FXR1: variants seen among roughly 807,000 people sequenced by gnomAD.
FXR1 encodes RNA-binding protein FXR1.
FXR1 carries 15 observed loss-of-function variants against 84.0 expected under a neutral mutation model. That is an observed-to-expected ratio of 0.18 (90% confidence interval 0.12 to 0.27). The LOEUF (loss-of-function observed/expected upper bound fraction) is 0.27. Among genes scored for constraint, FXR1 ranks in the 10% least tolerant of loss-of-function variants. The probability of loss-of-function intolerance (pLI) is 1.00; values close to 1 mark genes in which losing one functional copy is unlikely to be tolerated. For missense variants in FXR1, 480 were observed against 774.4 expected, an observed-to-expected ratio of 0.62 and a Z score of 4.51; for synonymous variants, 245 against 250.7, an observed-to-expected ratio of 0.98 and a Z score of 0.21.
chr3:180,967,871 T>C (rs1219623597), intron 13 of FXR1, among the ~76,000 whole-genome samples, 180 bp from the exon 14 acceptor site: 2 of 152,210 alleles, frequency 1.3e-5, no homozygotes, highest in Non-Finnish European at 2.9e-5. Flanking sequence ...AGTATATTAA[T>C]AGTATAATAA....
At chr3:180,952,931 C>T (rs112086973) in intron 8 of FXR1, among the ~76,000 whole-genome samples, 10,333 of 150,782 alleles carry the variant, frequency 0.069, 1,016 homozygotes, top group African/African-American at 0.22. Context: ...CCCCTGGGCT[C>T]AAGCCATCCT....
chr3:180,977,566 T>C lies in FXR1; in HGVS notation c.*1274T>C, dbSNP rs1217329768. 1 of 152,154 alleles carries C rather than the reference T, an allele frequency of 6.6e-6. No homozygotes were observed. Among genetic ancestry groups the C allele is most frequent in the Non-Finnish European group, 1.5e-5 (1 of 67,976 alleles). 9.4% of individuals were successfully genotyped at this position (152,154 alleles called of 1,614,324 possible). On this transcript the variant is annotated 3_prime_UTR_variant, in exon 17 of 17. Coordinates refer to ENST00000357559, the MANE Select transcript of FXR1 (RefSeq NM_005087.4). The stretch of plus-strand genomic sequence containing the variant: ...GTTATTAAACTTTATGTATATATTT[T>C]AGCCAGAGCTTAATTTTTATGAAGA...
intron 14 of FXR1, among the ~76,000 whole-genome samples, chr3:180,969,423 G>A (rs1006244870): frequency 6.6e-6 from 1 of 152,180 alleles, no homozygotes; most frequent in Non-Finnish European, 1.5e-5. Flanking sequence ...TTGATTGTTG[G>A]AGGTAATAAA....
intron 13 of FXR1, among the ~76,000 whole-genome samples, chr3:180,965,484 T>C (rs1268203037): frequency 9.5e-6 from 1 of 105,268 alleles, no homozygotes; most frequent in African/African-American, 2.9e-5. Context: ...CAGAAATTTA[T>C]TATCTTATAG....
intron 13 of FXR1, among the ~76,000 whole-genome samples, chr3:180,967,324 A>C (rs896284886): frequency 6.6e-6 from 1 of 152,210 alleles, no homozygotes; most frequent in African/African-American, 2.4e-5. Flanking sequence ...GATGCCATCA[A>C]TTATAAGAAA....
intron 4 of FXR1, 139 bp downstream of exon 4, chr3:180,948,075 G>T: frequency 3.2e-6 from 2 of 627,338 alleles, no homozygotes; most frequent in Non-Finnish European, 5.7e-6. Context: ...ATTTCCATTA[G>T]CATTAATTTC....
rs1714640408 is a variant in FXR1, at chr3:180,982,145, C to T, written c.*5853C>T. On this transcript the variant is annotated 3_prime_UTR_variant, in exon 17 of 17. Transcript: ENST00000357559. ...CAGCATGTTGCCTTGGCTGCTTAACCTTACTAAACTTCCATTTCCTCACAT... is the reference window on the plus strand; with the variant it reads ...CAGCATGTTGCCTTGGCTGCTTAACTTTACTAAACTTCCATTTCCTCACAT... 6.6e-6 allele frequency: 1 copy of T among 152,010 alleles called. No individual in the cohort carries two copies. Among genetic ancestry groups the T allele is most frequent in the Non-Finnish European group, 1.5e-5 (1 of 67,930 alleles). 9.4% of individuals were successfully genotyped at this position (152,010 alleles called of 1,614,324 possible).
chr3:180,941,515 G>A (rs1392209168), intron 3 of FXR1, among the ~76,000 whole-genome samples: 1 of 152,032 alleles, frequency 6.6e-6, no homozygotes, highest in African/African-American at 2.4e-5. Flanking sequence ...AGATATACAT[G>A]GATTATTTAC....
rs1375684861 is a variant in FXR1, at chr3:180,977,691, A to G, written c.*1399A>G. On this transcript the variant is annotated 3_prime_UTR_variant, in exon 17 of 17. Transcript: ENST00000357559. ...GGAAGGCTTTGTTCCACAATATTATATGGACCACTGAACAAGAATGACAGC... is the reference window on the plus strand; with the variant it reads ...GGAAGGCTTTGTTCCACAATATTATGTGGACCACTGAACAAGAATGACAGC... The G allele has an allele frequency of 2.6e-5, 4 of 152,132 alleles. No homozygotes were observed. The highest frequency in any genetic ancestry group is 9.7e-5 in the African/African-American group (4 of 41,450). The allele number at this position is 152,132 out of a possible 1,614,324, so 9.4% of individuals were successfully genotyped here.
In FXR1 at chr3:180,935,197, T is replaced by TA; in HGVS notation, c.171dup (p.Glu58ArgfsTer3). On this transcript the variant is annotated frameshift_variant, in exon 3 of 17. Transcript: ENST00000357559. LOFTEE classifies it high-confidence loss of function. ...GTTAGATTACCACCACCACCTGATA[T>TA]AAAAAAAGAAATTAGTGAAGGAGAT... 3.2e-6 allele frequency: 5 copies of TA among 1,565,512 alleles called. No homozygotes were observed. The highest frequency in any genetic ancestry group is 2.2e-5 in the East Asian group (1 of 44,586).
intron 15 of FXR1, chr3:180,970,939 G>A: frequency 4.2e-6 from 1 of 236,820 alleles, no homozygotes; most frequent in African/African-American, 2.3e-5. Flanking sequence ...TTTCCTGTCA[G>A]TAAACATTTG....
intron 9 of FXR1, chr3:180,954,155 T>A (rs904015246): frequency 5.1e-5 from 11 of 214,996 alleles, no homozygotes; most frequent in African/African-American, 2.5e-4. Flanking sequence ...TTCTCACTCC[T>A]TTACTCTCTT....
Position 180,982,302 on chromosome 3 carries a change from GT to G in FXR1, c.*6017del, listed in dbSNP as rs1358552761. 1 of 151,172 alleles carries G rather than the reference GT, an allele frequency of 6.6e-6. No homozygotes were observed. The highest frequency in any genetic ancestry group is 1.5e-5 in the Non-Finnish European group (1 of 67,752). The allele number at this position is 151,172 out of a possible 1,614,324, so 9.4% of individuals were successfully genotyped here. On this transcript the variant is annotated 3_prime_UTR_variant, in exon 17 of 17. Transcript: ENST00000357559. ...AAGAAAATACCAGCAAAAGATAAAA[GT>G]TTTTTTATGGATCGTATTTGTATCA...
rs936648556 is a variant in FXR1, at chr3:180,981,523, T to G, written c.*5231T>G. 1 of 152,036 alleles carries G rather than the reference T, an allele frequency of 6.6e-6. No individual in the cohort carries two copies. The highest frequency in any genetic ancestry group is 2.4e-5 in the African/African-American group (1 of 41,412). The allele number at this position is 152,036 out of a possible 1,614,324, so 9.4% of individuals were successfully genotyped here. ...TTTTATACAGCACCTTAGGACTCAT[T>G]TCTAATGTCAACCCAGATGGCCAGT... On this transcript the variant is annotated 3_prime_UTR_variant, in exon 17 of 17. Coordinates refer to ENST00000357559, the MANE Select transcript of FXR1 (RefSeq NM_005087.4).
intron 9 of FXR1, 27 bp from the exon 10 acceptor site, chr3:180,957,792 C>T (rs200843705): frequency 7.6e-4 from 774 of 1,014,966 alleles, no homozygotes; most frequent in Non-Finnish European, 1.1e-3. Context: ...TTTAGCTTAC[C>T]ATTGTATTTG....
chr3:180,927,725 G>A (rs1329128090), intron 1 of FXR1: 1 of 447,554 alleles, frequency 2.2e-6, no homozygotes. Context: ...AAACTGAAGA[G>A]AAAAGCGAAG....
intron 8 of FXR1, among the ~76,000 whole-genome samples, chr3:180,952,164 C>G (rs913782207): frequency 3.9e-5 from 6 of 152,166 alleles, no homozygotes; most frequent in African/African-American, 1.4e-4. Context: ...TGCCATGTTG[C>G]ACAGGCTTGT....
intron 1 of FXR1, among the ~76,000 whole-genome samples, chr3:180,926,395 G>A (rs1432366682): frequency 2.7e-5 from 4 of 150,518 alleles, no homozygotes; most frequent in African/African-American, 4.9e-5. Flanking sequence ...ACTTTTAATA[G>A]GTTGGAATCT....
chr3:180,954,872 ATTTTTTTTTTT>A (rs11328945), intron 9 of FXR1, among the ~76,000 whole-genome samples: 1 of 114,582 alleles, frequency 8.7e-6, no homozygotes, highest in African/African-American at 3.4e-5. Flanking sequence ...TTCTAAAAAG[ATTTTTTTTTTT>A]TTTTTTTTTT....
Sources: allele counts gnomAD v4.1 joint callset (sites outside exome capture counted in the v4.1 genomes callset), GRCh38; gene constraint gnomAD v4.1.1; transcripts MANE v1.5; gene names NCBI Gene and HGNC (gene_info 2026-07-23, HGNC 2026-07-21).